The following ZNF799 variants were observed in gnomAD, a reference collection of about 807,000 sequenced individuals.
The protein encoded by ZNF799 is zinc finger protein 14.
ZNF799 carries 28 observed loss-of-function variants against 41.0 expected under a neutral mutation model. That is an observed-to-expected ratio of 0.68 (90% CI 0.51 to 0.94). The LOEUF (loss-of-function observed/expected upper bound fraction) is 0.94. Among genes scored for constraint, ZNF799 ranks in the 40% least tolerant of loss-of-function variants. The probability of loss-of-function intolerance (pLI) is 0.00; values close to 1 mark genes in which losing one functional copy is unlikely to be tolerated. For synonymous variants in ZNF799, 213 were observed against 252.9 expected (o/e 0.84, Z 1.50); for missense variants, 716 against 764.3 (o/e 0.94, Z 0.74).
At chr19:12,398,830 G>A (rs1471348125) in intron 1 of ZNF799, among the ~76,000 whole-genome samples, 1 of 151,930 alleles carries the variant, frequency 6.6e-6, no homozygotes, top group African/African-American at 2.4e-5. Context: ...ACTAAGTCCT[G>A]AAATTCCATC....
At chr19:12,410,933 A>G in the ZNF799 span, among the ~76,000 whole-genome samples, 1 of 152,222 alleles carries the variant, frequency 6.6e-6, no homozygotes, top group South Asian at 2.1e-4. Flanking sequence ...ACTAAATAAC[A>G]AATGTCCCAA....
upstream of ZNF799, among the ~76,000 whole-genome samples, chr19:12,403,105 CATT>C (rs1970009517): frequency 6.6e-6 from 1 of 151,942 alleles, no homozygotes; most frequent in Non-Finnish European, 1.5e-5. Flanking sequence ...GCTTTGATCT[CATT>C]ATTTGTTATT....
intron 1 of ZNF799, 38 bp downstream of exon 1, chr19:12,401,030 C>G (rs1969974758): frequency 6.2e-7 from 1 of 1,613,980 alleles, no homozygotes; most frequent in African/African-American, 1.3e-5. Flanking sequence ...TCCACCCAGC[C>G]CCTCCCCCGC....
chr19:12,406,206 G>A (rs1003716478), upstream of ZNF799, among the ~76,000 whole-genome samples: 7 of 149,920 alleles, frequency 4.7e-5, no homozygotes, highest in African/African-American at 1.2e-4. Context: ...AAGGCCCGGC[G>A]CGGTGGCTCA....
At chr19:12,393,912 C>T (rs923280519) in intron 1 of ZNF799, 15 of 223,716 alleles carry the variant, frequency 6.7e-5, no homozygotes, top group African/African-American at 1.7e-4. Flanking sequence ...AAATTGTTTA[C>T]GCAAAAAAAA....
chr19:12,391,845 G>C lies in ZNF799; in HGVS notation c.553C>G (p.Gln185Glu). The C allele has an allele frequency of 6.2e-7, 1 of 1,614,150 alleles. No homozygotes were observed. Among genetic ancestry groups the C allele is most frequent in the Non-Finnish European group, 8.5e-7 (1 of 1,180,006 alleles). ...GKSFSSLGNLQRHMAVQRGDG... is the reference protein window; with the variant it reads ...GKSFSSLGNLERHMAVQRGDG... ...CCACGCTGCACTGCCATGTGTCTTTGAAGGTTTCCCAAAGAACTGAAGGAC... is the reference window on the plus strand; with the variant it reads ...CCACGCTGCACTGCCATGTGTCTTTCAAGGTTTCCCAAAGAACTGAAGGAC... The change falls in exon 4 of 4, where the codon CAA becomes GAA. Residue 185 changes from glutamine (Q) to glutamate (E), a missense_variant. Physicochemically the swap from Gln to Glu is conservative, Grantham distance 29. Around this residue, in one of 2 missense-constraint regions of ZNF799, gnomAD observed 698 missense variants for 713.6 expected, o/e 0.98. Transcript: ENST00000430385.
chr19:12,414,175 C>T, the ZNF799 span, among the ~76,000 whole-genome samples: 1 of 151,712 alleles, frequency 6.6e-6, no homozygotes, highest in Non-Finnish European at 1.5e-5. Context: ...CGACCCCACC[C>T]CACGTCCCTG....
At chr19:12,405,080 G>A (rs770896644), upstream of ZNF799, among the ~76,000 whole-genome samples, 1 of 152,094 alleles carries the variant, frequency 6.6e-6, no homozygotes, top group Non-Finnish European at 1.5e-5. Context: ...CTCCCATGCT[G>A]GATGCTTCCT....
the ZNF799 span, among the ~76,000 whole-genome samples, chr19:12,408,832 A>C: frequency 5.7e-3 from 867 of 151,900 alleles, 13 homozygotes; most frequent in African/African-American, 0.017. Context: ...TCGGGAGTTC[A>C]AGACCAGTGT....
At chr19:12,394,939 A>C in intron 1 of ZNF799, 7 of 941,664 alleles carry the variant, frequency 7.4e-6, no homozygotes, top group Non-Finnish European at 8.9e-6. Context: ...AAACTGGTAG[A>C]AAAGTCTTGT....
the ZNF799 span, among the ~76,000 whole-genome samples, chr19:12,412,183 T>C: frequency 6.6e-6 from 1 of 152,128 alleles, no homozygotes; most frequent in Non-Finnish European, 1.5e-5. Context: ...AACTTGCGCA[T>C]ACTTCCTTTT....
chr19:12,401,218 G>A lies in ZNF799; in HGVS notation c.-148C>T, dbSNP rs1281708341. On this transcript the variant is annotated 5_prime_UTR_variant, in exon 1 of 4. Transcript: ENST00000430385. ...GCGCCCAGCGCAGGTGGGTGGAGAA[G>A]ACGCCGCGGGCTTTTTCAACCACAC... The A allele has an allele frequency of 1.5e-5, 23 of 1,502,340 alleles. No individual in the cohort carries two copies. The Admixed American group carries it at 2.4e-4, about 16-fold the overall frequency. The allele number at this position is 1,502,340 out of a possible 1,614,324, so 93.1% of individuals were successfully genotyped here.
chr19:12,414,782 G>A, the ZNF799 span, among the ~76,000 whole-genome samples: 1 of 152,156 alleles, frequency 6.6e-6, no homozygotes, highest in Non-Finnish European at 1.5e-5. Context: ...CAGTTCACAA[G>A]CAAACTCCCT....
upstream of ZNF799, among the ~76,000 whole-genome samples, chr19:12,405,113 G>A (rs577788931): frequency 6.6e-6 from 1 of 152,258 alleles, no homozygotes; most frequent in South Asian, 2.1e-4. Flanking sequence ...CAGACTCCAA[G>A]TTCTTCAGTT....
chr19:12,408,390 T>C, the ZNF799 span, among the ~76,000 whole-genome samples: 1 of 152,168 alleles, frequency 6.6e-6, no homozygotes, highest in African/African-American at 2.4e-5. Flanking sequence ...CAATTACATA[T>C]GTACGTAGTA....
At chr19:12,399,571 GT>G (rs1599609205) in intron 1 of ZNF799, among the ~76,000 whole-genome samples, 1 of 147,892 alleles carries the variant, frequency 6.8e-6, no homozygotes, top group East Asian at 1.9e-4. Flanking sequence ...ATCTCAGGCT[GT>G]CCCCTGGGAG....
the ZNF799 span, among the ~76,000 whole-genome samples, chr19:12,412,638 C>T: frequency 2.0e-5 from 3 of 151,990 alleles, no homozygotes; most frequent in East Asian, 3.9e-4. Flanking sequence ...TATTAGGCCC[C>T]GACCAGGAAA....
At chr19:12,406,929 G>A in the ZNF799 span, among the ~76,000 whole-genome samples, 1 of 152,012 alleles carries the variant, frequency 6.6e-6, no homozygotes, top group Admixed American at 6.6e-5. Context: ...TAAAAAAGTA[G>A]ATATTGAGCC....
intron 1 of ZNF799, among the ~76,000 whole-genome samples, chr19:12,399,641 C>T (rs78856823): frequency 1.4e-5 from 2 of 144,548 alleles, no homozygotes; most frequent in South Asian, 2.1e-4. Flanking sequence ...GCTGTGGACA[C>T]CCTTTTTTTT....
Sources: allele counts gnomAD v4.1 joint callset (sites outside exome capture counted in the v4.1 genomes callset), GRCh38; gene constraint gnomAD v4.1.1; regional missense constraint gnomAD v4.1.1; transcripts MANE v1.5; gene names NCBI Gene and HGNC (gene_info 2026-07-23, HGNC 2026-07-21).